TAFA1: variants seen among roughly 807,000 people sequenced by gnomAD.
TAFA1 encodes TAFA chemokine like family member 1, also known as chemokine-like protein TAFA-1.
A neutral mutation model predicts 18.5 loss-of-function variants in TAFA1; 4 were observed. That is an observed-to-expected ratio of 0.22 (90% CI 0.11 to 0.49). The LOEUF (loss-of-function observed/expected upper bound fraction) is 0.49, where lower values mean the gene tolerates loss of function less well. Ranked by LOEUF, TAFA1 falls within the 20% of genes least tolerant of loss-of-function variation. The pLI, the probability that TAFA1 is intolerant of heterozygous loss-of-function variation, is 0.98. For missense variants in TAFA1, 147 were observed against 169.0 expected (o/e 0.87, Z 0.72); for synonymous variants, 56 against 55.2 (o/e 1.01, Z -0.06).
intron 2 of TAFA1, among the ~76,000 whole-genome samples, chr3:68,010,928 G>A (rs1364187438): frequency 2.0e-5 from 3 of 151,908 alleles, no homozygotes; most frequent in Non-Finnish European, 4.4e-5. Context: ...ACTCAAAAGT[G>A]GTGTTCAATT....
chr3:68,208,878 C>T (rs2066560292), intron 2 of TAFA1, among the ~76,000 whole-genome samples: 1 of 151,926 alleles, frequency 6.6e-6, no homozygotes, highest in Non-Finnish European at 1.5e-5. Context: ...TGAGTGTGTG[C>T]AGGCCTGGCC....
At chr3:68,540,789 C>CA (rs112338373) in intron 4 of TAFA1, among the ~76,000 whole-genome samples, 2 of 151,962 alleles carry the variant, frequency 1.3e-5, no homozygotes, top group Admixed American at 1.3e-4. Context: ...ACAAACAAAA[C>CA]AAAAAAACAG....
chr3:68,539,796 G>A (rs1182158307), intron 4 of TAFA1, among the ~76,000 whole-genome samples: 1 of 151,320 alleles, frequency 6.6e-6, no homozygotes, highest in Non-Finnish European at 1.5e-5. Flanking sequence ...GTCTCACTCT[G>A]TTGCCCAGGC....
At chr3:68,447,535 A>G (rs1219585117) in intron 3 of TAFA1, among the ~76,000 whole-genome samples, 1 of 152,094 alleles carries the variant, frequency 6.6e-6, no homozygotes, top group Non-Finnish European at 1.5e-5. Context: ...TTGCTCCAAA[A>G]CTCTCCAGTT....
At chr3:68,008,322 C>T (rs1367387108) in intron 2 of TAFA1, among the ~76,000 whole-genome samples, 3 of 152,228 alleles carry the variant, frequency 2.0e-5, no homozygotes, top group Non-Finnish European at 4.4e-5. Context: ...TTTGTTCTGG[C>T]ACAAATGTCT....
At chr3:68,230,017 G>T (rs1250259094) in intron 2 of TAFA1, among the ~76,000 whole-genome samples, 1 of 151,938 alleles carries the variant, frequency 6.6e-6, no homozygotes, top group Non-Finnish European at 1.5e-5. Context: ...TGTACATGGG[G>T]TACATGGGAT....
chr3:68,521,925 T>C (rs921176916), intron 3 of TAFA1, among the ~76,000 whole-genome samples: 2 of 134,324 alleles, frequency 1.5e-5, no homozygotes, highest in African/African-American at 5.8e-5. Flanking sequence ...AGTGGCATGA[T>C]CATGACTCAC....
intron 3 of TAFA1, among the ~76,000 whole-genome samples, chr3:68,436,148 A>G (rs2106851445): frequency 6.6e-6 from 1 of 152,268 alleles, no homozygotes; most frequent in East Asian, 1.9e-4. Context: ...CTGTTCTTTT[A>G]ATTTCTAATT....
chr3:68,419,881 C>G (rs758179026), intron 3 of TAFA1, among the ~76,000 whole-genome samples: 1 of 152,128 alleles, frequency 6.6e-6, no homozygotes, highest in Non-Finnish European at 1.5e-5. Context: ...TCGTGGAATT[C>G]GTAAATTCTT....
chr3:68,152,943 G>A (rs986972409), intron 2 of TAFA1, among the ~76,000 whole-genome samples: 1 of 152,082 alleles, frequency 6.6e-6, no homozygotes, highest in African/African-American at 2.4e-5. Flanking sequence ...GAGAGAGGAG[G>A]GAATGGAGAG....
chr3:68,132,142 G>GT (rs1223490191), intron 2 of TAFA1, among the ~76,000 whole-genome samples: 1 of 152,062 alleles, frequency 6.6e-6, no homozygotes, highest in African/African-American at 2.4e-5. Flanking sequence ...TTGGTTTTCT[G>GT]TTTCTGTGTT....
At chr3:68,392,507 A>T (rs2070282545) in intron 2 of TAFA1, among the ~76,000 whole-genome samples, 1 of 151,954 alleles carries the variant, frequency 6.6e-6, no homozygotes, top group South Asian at 2.1e-4. Flanking sequence ...TGGACCAAGC[A>T]GAACTAATAG....
chr3:68,529,309 T>C (rs1260320098), intron 3 of TAFA1, among the ~76,000 whole-genome samples: 1 of 151,808 alleles, frequency 6.6e-6, no homozygotes, highest in Non-Finnish European at 1.5e-5. Flanking sequence ...TCTTTGAGTT[T>C]AGTGACTCTT....
At position 68,074,699 on chromosome 3, in the gene TAFA1, A is replaced by G. The variant is rs553850025; in HGVS notation, c.118+67955A>G. Among the ~76,000 whole-genome samples, 6 of 152,298 alleles carry G rather than the reference A, an allele frequency of 3.9e-5. No individual in the cohort carries two copies. The South Asian group carries it at 1.2e-3, about 32-fold the overall frequency. ...GGGAGATGAAATAATCTACAAGTCT[A>G]TTTTATGGCAGAGCTGAAATTCATA... On this transcript the variant is annotated intron_variant, in intron 2 of 4. Coordinates refer to ENST00000478136, the MANE Select transcript of TAFA1 (RefSeq NM_213609.4).
chr3:68,348,081 C>T (rs925483340), intron 2 of TAFA1, among the ~76,000 whole-genome samples: 2 of 152,122 alleles, frequency 1.3e-5, no homozygotes, highest in African/African-American at 4.8e-5. Flanking sequence ...AGCAGACACT[C>T]CTCAAGGGGT....
chr3:68,165,739 C>T (rs2065975066), intron 2 of TAFA1, among the ~76,000 whole-genome samples: 2 of 152,320 alleles, frequency 1.3e-5, no homozygotes, highest in Middle Eastern at 3.4e-3. Context: ...CAGTGATGAA[C>T]TAAACAGACA....
chr3:68,139,375 A>G (rs2065643404), intron 2 of TAFA1, among the ~76,000 whole-genome samples: 1 of 152,162 alleles, frequency 6.6e-6, no homozygotes, highest in Admixed American at 6.6e-5. Flanking sequence ...CCTAACACCA[A>G]TGTAATAATG....
At chr3:68,097,902 G>A (rs1202631230) in intron 2 of TAFA1, among the ~76,000 whole-genome samples, 1 of 152,090 alleles carries the variant, frequency 6.6e-6, no homozygotes, top group Non-Finnish European at 1.5e-5. Context: ...ATAAAATATG[G>A]CCCCCATTGT....
chr3:68,414,319 A>G (rs2070772074), intron 2 of TAFA1, among the ~76,000 whole-genome samples: 1 of 152,144 alleles, frequency 6.6e-6, no homozygotes, highest in Non-Finnish European at 1.5e-5. Flanking sequence ...AAACAAACAA[A>G]CAAACAAAAC....
Sources: allele counts gnomAD v4.1 joint callset (sites outside exome capture counted in the v4.1 genomes callset), GRCh38; gene constraint gnomAD v4.1.1; transcripts MANE v1.5; gene names NCBI Gene and HGNC (gene_info 2026-07-23, HGNC 2026-07-21).